ARHGAP25: variants seen among roughly 807,000 people sequenced by gnomAD.
ARHGAP25 encodes rho GTPase-activating protein 25.
ARHGAP25 carries 34 observed loss-of-function variants against 71.0 expected under a neutral mutation model. That is an observed-to-expected ratio of 0.48 (90% CI 0.36 to 0.64). The LOEUF is 0.64. Among genes scored for constraint, ARHGAP25 ranks in the 30% least tolerant of loss-of-function variants. The pLI is 0.00. For synonymous variants in ARHGAP25, 282 were observed against 296.5 expected, an observed-to-expected ratio of 0.95 and a Z score of 0.50; for missense variants, 706 against 805.1, an observed-to-expected ratio of 0.88 and a Z score of 1.49.
intron 10 of ARHGAP25, among the ~76,000 whole-genome samples, chr2:68,823,732 T>C (rs1453957714): frequency 6.6e-6 from 1 of 152,174 alleles, no homozygotes; most frequent in Non-Finnish European, 1.5e-5. Flanking sequence ...TATGCTTCAT[T>C]GGCTCACTGG....
At chr2:68,816,631 C>T in intron 7 of ARHGAP25, 1 of 376,488 alleles carries the variant, frequency 2.7e-6, no homozygotes, top group South Asian at 3.4e-5. Context: ...ACCCAGAATC[C>T]TTATAATGTT....
intron 1 of ARHGAP25, among the ~76,000 whole-genome samples, chr2:68,736,609 G>T (rs1254647096): frequency 6.6e-6 from 1 of 152,120 alleles, no homozygotes; most frequent in Non-Finnish European, 1.5e-5. Context: ...ATAGTTAAAT[G>T]ATTTTTTTCA....
At chr2:68,810,497 G>C (rs965037019) in intron 5 of ARHGAP25, among the ~76,000 whole-genome samples, 2 of 152,114 alleles carry the variant, frequency 1.3e-5, no homozygotes, top group Non-Finnish European at 1.5e-5. Flanking sequence ...GAAATGAACT[G>C]GGAAGCTTTC....
At chr2:68,744,289 A>G (rs1027482031) in intron 1 of ARHGAP25, among the ~76,000 whole-genome samples, 3 of 151,962 alleles carry the variant, frequency 2.0e-5, no homozygotes, top group Non-Finnish European at 4.4e-5. Context: ...CTCCCTCCCC[A>G]TTACCAGGGC....
upstream of ARHGAP25, among the ~76,000 whole-genome samples, chr2:68,730,100 T>C (rs71413156): frequency 0.15 from 23,130 of 152,162 alleles, 1,880 homozygotes; most frequent in Middle Eastern, 0.24. Flanking sequence ...TTTTTTTTGT[T>C]AAAGGAAGAT....
chr2:68,821,365 G>A (rs970637489), intron 9 of ARHGAP25, among the ~76,000 whole-genome samples: 1 of 152,126 alleles, frequency 6.6e-6, no homozygotes, highest in African/African-American at 2.4e-5. Context: ...CTCCCAAAGT[G>A]CTGGGATTAC....
At chr2:68,730,676 T>C, upstream of ARHGAP25, among the ~76,000 whole-genome samples, 1 of 150,848 alleles carries the variant, frequency 6.6e-6, no homozygotes, top group Non-Finnish European at 1.5e-5. Flanking sequence ...AAAGTTCTCC[T>C]CAGGCTAGAG....
intron 1 of ARHGAP25, among the ~76,000 whole-genome samples, chr2:68,772,570 T>C (rs1677557757): frequency 6.6e-6 from 1 of 152,380 alleles, no homozygotes; most frequent in African/African-American, 2.4e-5. Flanking sequence ...AACTATCTTT[T>C]TCATTTTTGC....
intron 3 of ARHGAP25, among the ~76,000 whole-genome samples, chr2:68,786,994 G>A (rs1010611711): frequency 8.5e-5 from 13 of 152,146 alleles, no homozygotes; most frequent in African/African-American, 3.1e-4. Context: ...TTGCAAGCAG[G>A]TCCACGGATG....
intron 4 of ARHGAP25, among the ~76,000 whole-genome samples, chr2:68,802,121 C>A (rs993063800): frequency 6.6e-6 from 1 of 152,056 alleles, no homozygotes; most frequent in Non-Finnish European, 1.5e-5. Context: ...TGGAATGTAC[C>A]AACCTAGGCC....
intron 2 of ARHGAP25, among the ~76,000 whole-genome samples, chr2:68,714,232 AATTTATCC>A (rs2104247165): frequency 6.6e-6 from 1 of 152,162 alleles, no homozygotes; most frequent in African/African-American, 2.4e-5. Flanking sequence ...TGTGTCCAGG[AATTTATCC>A]ATTTCTTCTA....
intron 4 of ARHGAP25, among the ~76,000 whole-genome samples, chr2:68,801,498 G>C (rs570474507): frequency 6.6e-6 from 1 of 152,338 alleles, no homozygotes; most frequent in East Asian, 1.9e-4. Flanking sequence ...GAGTAGTTAA[G>C]ATGAAGACAG....
intron 7 of ARHGAP25, 72 bp downstream of exon 7, chr2:68,816,434 G>C: frequency 7.9e-7 from 1 of 1,263,214 alleles, no homozygotes; most frequent in South Asian, 1.2e-5. Flanking sequence ...AGAAGAGGAG[G>C]GACCACGTCT....
chr2:68,766,096 G>A (rs1052027167), intron 1 of ARHGAP25, among the ~76,000 whole-genome samples: 1 of 152,194 alleles, frequency 6.6e-6, no homozygotes, highest in Non-Finnish European at 1.5e-5. Flanking sequence ...GAATGCTAGT[G>A]ACTAGTGAAC....
chr2:68,784,577 ATTC>A (rs1308668372), intron 3 of ARHGAP25, among the ~76,000 whole-genome samples: 1 of 152,218 alleles, frequency 6.6e-6, no homozygotes, highest in African/African-American at 2.4e-5. Flanking sequence ...ATAACTATCT[ATTC>A]TTCTATTCTC....
At chr2:68,796,611 T>G (rs1467914804) in intron 4 of ARHGAP25, among the ~76,000 whole-genome samples, 5 of 152,226 alleles carry the variant, frequency 3.3e-5, no homozygotes. Flanking sequence ...TGGTCATAAA[T>G]AGCCTTAGTG....
chr2:68,764,576 G>A (rs1408336182), intron 1 of ARHGAP25, among the ~76,000 whole-genome samples: 1 of 152,140 alleles, frequency 6.6e-6, no homozygotes, highest in African/African-American at 2.4e-5. Context: ...CCTGGTTGAG[G>A]AGCCAGCAGG....
intron 4 of ARHGAP25, among the ~76,000 whole-genome samples, chr2:68,788,666 G>C (rs6546436): frequency 0.93 from 141,422 of 152,284 alleles, 65,741 homozygotes; most frequent in African/African-American, 0.97. Context: ...AAGTTTCCCT[G>C]CCTTTATAAA....
chr2:68,735,988 A>G (rs71413158), intron 1 of ARHGAP25, among the ~76,000 whole-genome samples: 7,695 of 152,284 alleles, frequency 0.051, 266 homozygotes, highest in Middle Eastern at 0.088. Context: ...GATTTCTTCT[A>G]TTGCTAAATT....
Sources: gnomAD v4.1 joint callset for allele counts (sites outside exome capture counted in the v4.1 genomes callset) on GRCh38, gnomAD v4.1.1 for gene constraint, MANE v1.5 for transcripts, NCBI Gene and HGNC (gene_info 2026-07-23, HGNC 2026-07-21) for gene names.